NF1: variants seen among roughly 807,000 people sequenced by gnomAD.
NF1 encodes neurofibromin.
In NF1, 122 loss-of-function variants were observed where a neutral mutation model predicts 325.7. That is an observed-to-expected ratio of 0.37 (90% CI 0.32 to 0.44). NF1 has a LOEUF of 0.44. NF1 is among the 20% of genes least tolerant of loss of function. The pLI, the probability that NF1 is intolerant of heterozygous loss-of-function variation, is 1.00. For missense variants in NF1, 2,140 were observed against 3,415.4 expected (o/e 0.63, Z 9.31); for synonymous variants, 1,091 against 1,186.0 (o/e 0.92, Z 1.65).
intron 1 of NF1, among the ~76,000 whole-genome samples, 179 bp from the exon 2 acceptor site, chr17:31,155,804 A>T (rs911223034): frequency 1.3e-5 from 2 of 152,222 alleles, no homozygotes; most frequent in Non-Finnish European, 2.9e-5. Flanking sequence ...ATGCAAATGT[A>T]CATATCTGTG....
At chr17:31,304,905 A>G (rs1475504708) in intron 36 of NF1, 3 of 1,614,110 alleles carry the variant, frequency 1.9e-6, no homozygotes, top group Admixed American at 3.3e-5. Flanking sequence ...CCCAATTTTG[A>G]TCATTTAAAA....
At chr17:31,365,962 TCTTG>T (rs1177635104) in intron 57 of NF1, among the ~76,000 whole-genome samples, 1 of 146,468 alleles carries the variant, frequency 6.8e-6, no homozygotes, top group Middle Eastern at 3.3e-3. Context: ...TGAGATGGAG[TCTTG>T]CTCTGTCACC....
chr17:31,338,117 A>G lies in NF1; in HGVS notation c.6797A>G (p.Gln2266Arg). ...CGAGTGTCTCATGGGCAGATAAAGC[A>G]GATAATCCGTATTCTTAGCAAGGTA... Reference protein sequence around the residue: ...SKRVSHGQIKQIIRILSKALE... With the variant: ...SKRVSHGQIKRIIRILSKALE... The change falls in exon 45 of 58, where the codon CAG (glutamine) becomes CGG (arginine). Residue 2266 changes from glutamine (Q) to arginine (R), a missense_variant. By Grantham distance (43) the Gln-to-Arg change is conservative. Coordinates refer to ENST00000358273, the MANE Select transcript of NF1 (RefSeq NM_001042492.3). 6.2e-7 allele frequency: 1 copy of G among 1,613,510 alleles called. No individual in the cohort carries two copies. The highest frequency in any genetic ancestry group is 8.5e-7 in the Non-Finnish European group (1 of 1,179,450).
chr17:31,329,923 T>C (rs1228341393), intron 38 of NF1, among the ~76,000 whole-genome samples: 1 of 152,150 alleles, frequency 6.6e-6, no homozygotes, highest in Non-Finnish European at 1.5e-5. Context: ...AGTTTTGGCT[T>C]TGCTAAAAAT....
chr17:31,359,521 G>T, intron 56 of NF1: 1 of 169,284 alleles, frequency 5.9e-6, no homozygotes, highest in Non-Finnish European at 1.2e-5. Context: ...GTGCAGTGGC[G>T]CAATCTTGGC....
chr17:31,344,622 T>G (rs936036851), intron 48 of NF1, among the ~76,000 whole-genome samples: 2 of 152,274 alleles, frequency 1.3e-5, no homozygotes, highest in Non-Finnish European at 2.9e-5. Context: ...AATGTATGCA[T>G]TTGATTTCAC....
Position 31,374,247 on chromosome 17 carries a change from ATGC to A in NF1, c.*96_*98del. 6.6e-7 allele frequency: 1 copy of A among 1,519,618 alleles called. No homozygotes were observed. Among genetic ancestry groups the A allele is most frequent in the Non-Finnish European group, 9.1e-7 (1 of 1,097,462 alleles). The allele number at this position is 1,519,618 out of a possible 1,614,324, so 94.1% of individuals were successfully genotyped here. A position where few individuals can be genotyped will look rare whatever the true frequency, so the allele number is the denominator to read the frequency against. On this transcript the variant is annotated 3_prime_UTR_variant, in exon 58 of 58. Coordinates refer to ENST00000358273, the MANE Select transcript of NF1 (RefSeq NM_001042492.3). ...CCTTGCCCTTTCCCCCCATGTTGTAATGCTGCACTTCCTGTTTTATAATGAACC... is the reference window on the plus strand; with the variant it reads ...CCTTGCCCTTTCCCCCCATGTTGTAATGCACTTCCTGTTTTATAATGAACC...
rs2144027588 is a variant in NF1 at position 31,225,219 on chromosome 17, C to G, written c.1970C>G (p.Ser657Cys). The G allele has an allele frequency of 6.2e-7, 1 of 1,613,816 alleles. No individual in the cohort carries two copies. Among genetic ancestry groups the G allele is most frequent in the Non-Finnish European group, 8.5e-7 (1 of 1,179,768 alleles). ...HEELLRTPGA[S>C]LRKGKGNSSM... ...GAATTACTACGTACTCCTGGAGCCTCTCTCCGGAAGGGAAAAGGGAACTCC... is the reference window on the plus strand; with the variant it reads ...GAATTACTACGTACTCCTGGAGCCTGTCTCCGGAAGGGAAAAGGGAACTCC... The change falls in exon 17 of 58, where the codon TCT becomes TGT. Residue 657 changes from serine (S) to cysteine (C), a missense_variant. Transcript: ENST00000358273.
chr17:31,272,282 A>G (rs1181898576), intron 36 of NF1: 2 of 152,270 alleles, frequency 1.3e-5, no homozygotes, highest in Admixed American at 1.3e-4. Context: ...AATATTACAT[A>G]GAAAATAAAT....
chr17:31,158,975 A>G (rs1240783776), intron 2 of NF1, 35 bp from the exon 3 acceptor site: 1 of 1,339,406 alleles, frequency 7.5e-7, no homozygotes, highest in Admixed American at 1.7e-5. Flanking sequence ...AGAAAGTGAA[A>G]CTAACTTTTA....
At chr17:31,358,203 C>T (rs907465400) in intron 54 of NF1, 12 of 473,402 alleles carry the variant, frequency 2.5e-5, no homozygotes, top group Non-Finnish European at 3.8e-5. Flanking sequence ...AAACATTTAC[C>T]GTATATGGTT....
chr17:31,127,240 TATA>T (rs1359069352), intron 1 of NF1, among the ~76,000 whole-genome samples: 1 of 152,136 alleles, frequency 6.6e-6, no homozygotes, highest in Non-Finnish European at 1.5e-5. Context: ...CCAAAAGACT[TATA>T]ATAATGCCTT....
At chr17:31,324,742 A>T (rs903460162) in intron 36 of NF1, among the ~76,000 whole-genome samples, 1 of 152,102 alleles carries the variant, frequency 6.6e-6, no homozygotes, top group South Asian at 2.1e-4. Flanking sequence ...TTGTATTTTT[A>T]GTAGAGACAG....
chr17:31,202,697 T>G (rs17879930), intron 11 of NF1, among the ~76,000 whole-genome samples: 182 of 152,268 alleles, frequency 1.2e-3, no homozygotes, highest in African/African-American at 4.1e-3. Flanking sequence ...CTTAGTTGAG[T>G]ATCACTGAGT....
chr17:31,326,089 G>T lies in NF1; in HGVS notation c.5105G>T (p.Gly1702Val). ...YHERLLTGLK[G>V]SKRLVFIDCP... is the part of the protein sequence containing the mutation. Reference sequence around the variant, plus strand: ...GAGCGGCTGCTGACTGGCCTCAAAGGTAGCAAAAGGCTTGTTTTCATAGAC... The same window carrying T: ...GAGCGGCTGCTGACTGGCCTCAAAGTTAGCAAAAGGCTTGTTTTCATAGAC... Residue 1702 changes from glycine (G) to valine (V), a missense_variant, in exon 37 of 58, where the codon GGT (glycine) becomes GTT (valine). By Grantham distance (109) the Gly-to-Val change is moderately radical. Transcript: ENST00000358273. 1 of 1,613,726 alleles carries T rather than the reference G, an allele frequency of 6.2e-7. No individual in the cohort carries two copies. The highest frequency in any genetic ancestry group is 8.5e-7 in the Non-Finnish European group (1 of 1,179,730).
At chr17:31,242,309 T>C (rs1473145714) in intron 29 of NF1, among the ~76,000 whole-genome samples, 1 of 122,698 alleles carries the variant, frequency 8.2e-6, no homozygotes, top group Non-Finnish European at 1.6e-5. Context: ...AGTTCTCTTT[T>C]TTTTTTTTTT....
rs2066785879 is a variant in NF1, at chr17:31,214,479, G to A, written c.1421G>A (p.Ser474Asn). ...CTTACATTTAAAGAAAAAGTAACAA[G>A]CCTTAAATTTAAAGAAAAACCTACA... ...PSLTFKEKVT[S>N]LKFKEKPTDL... The change falls in exon 13 of 58, where the codon AGC becomes AAC. Residue 474 changes from serine to asparagine, a missense_variant. Around this residue, in one of 10 missense-constraint regions of NF1, gnomAD observed 179 missense variants for 381.0 expected, o/e 0.47. Transcript: ENST00000358273. 6.2e-7 allele frequency: 1 copy of A among 1,604,510 alleles called. No individual in the cohort carries two copies. The highest frequency in any genetic ancestry group is 1.1e-5 in the South Asian group (1 of 90,694).
chr17:31,223,451 A>G lies in NF1; in HGVS notation c.1729A>G (p.Met577Val). 6.2e-7 allele frequency: 1 copy of G among 1,612,254 alleles called. No homozygotes were observed. The highest frequency in any genetic ancestry group is 8.5e-7 in the Non-Finnish European group (1 of 1,179,038). The change falls in exon 16 of 58, where the codon ATG becomes GTG. Residue 577 changes from methionine (M) to valine (V), a missense_variant. By Grantham distance (21) the Met-to-Val change is conservative. This residue lies in a region of NF1 where 179 missense variants were observed against 381.0 expected (regional missense o/e 0.47). Transcript: ENST00000358273. ...VETFWEISSQ[M>V]LFYICKKLTS... ...AACTTTATGTTACTGCAGCTCACAA[A>G]TGCTTTTTTACATCTGCAAGAAATT...
Position 31,232,067 on chromosome 17 carries a change from T to TTTTC in NF1, c.3198-4_3198-3insTCTT. On this transcript the variant is annotated splice_polypyrimidine_tract_variant and splice_region_variant and intron_variant, in intron 24 of 57. Transcript: ENST00000358273. ...AATTTTTTTTTTTTTTTTTTTTTTT[T>TTTTC]TTCAGAGATTTGGACCAGGCAAGCA... 7.1e-7 allele frequency: 1 copy of TTTTC among 1,415,310 alleles called. No individual in the cohort carries two copies. Among genetic ancestry groups the TTTTC allele is most frequent in the East Asian group, 2.4e-5 (1 of 41,242 alleles). The allele number at this position is 1,415,310 out of a possible 1,614,324, so 87.7% of individuals were successfully genotyped here.
Sources: gnomAD v4.1 joint callset for allele counts (sites outside exome capture counted in the v4.1 genomes callset) on GRCh38, gnomAD v4.1.1 for gene constraint, gnomAD v4.1.1 regional missense constraint, MANE v1.5 for transcripts, NCBI Gene and HGNC (gene_info 2026-07-23, HGNC 2026-07-21) for gene names.